CNTNAP2: variants seen among roughly 807,000 people sequenced by gnomAD.
The protein encoded by CNTNAP2 is contactin associated protein 2, also known as contactin-associated protein-like 2.
Under a neutral mutation model 155.2 loss-of-function variants are expected in CNTNAP2, and 98 were observed. The observed-to-expected ratio is 0.63, with a 90% confidence interval of 0.54 to 0.75. The LOEUF (loss-of-function observed/expected upper bound fraction) is 0.75, where lower values mean the gene tolerates loss of function less well. Among genes scored for constraint, CNTNAP2 ranks in the 30% least tolerant of loss-of-function variants. The pLI is 0.00. For synonymous variants in CNTNAP2, 651 were observed against 631.2 expected, an observed-to-expected ratio of 1.03 and a Z score of -0.47; for missense variants, 1,727 against 1,688.1, an observed-to-expected ratio of 1.02 and a Z score of -0.40.
intron 4 of CNTNAP2, 57 bp from the exon 5 acceptor site, chr7:147,108,090 G>A: frequency 6.8e-7 from 1 of 1,468,640 alleles, no homozygotes; most frequent in Non-Finnish European, 9.5e-7. Flanking sequence ...ACACCTGTTG[G>A]AAGTGGATGG....
chr7:148,022,574 G>A (rs1802302555), intron 15 of CNTNAP2, among the ~76,000 whole-genome samples: 1 of 152,160 alleles, frequency 6.6e-6, no homozygotes, highest in African/African-American at 2.4e-5. Flanking sequence ...GGCTATGGGA[G>A]TACCCGGGTT....
chr7:148,148,211 C>T (rs1332821668), intron 17 of CNTNAP2, among the ~76,000 whole-genome samples: 1 of 151,942 alleles, frequency 6.6e-6, no homozygotes, highest in Non-Finnish European at 1.5e-5. Flanking sequence ...TAGACTTTTC[C>T]TGACATAGGA....
At chr7:146,456,274 G>T (rs1796553666) in intron 1 of CNTNAP2, among the ~76,000 whole-genome samples, 1 of 152,112 alleles carries the variant, frequency 6.6e-6, no homozygotes, top group African/African-American at 2.4e-5. Flanking sequence ...AATGTTTTCA[G>T]CAAAGCCAAC....
At chr7:147,147,659 A>G (rs971832950) in intron 8 of CNTNAP2, among the ~76,000 whole-genome samples, 4 of 152,098 alleles carry the variant, frequency 2.6e-5, no homozygotes, top group Non-Finnish European at 4.4e-5. Context: ...CCTCCTCCTC[A>G]TCATGTGTTC....
chr7:147,710,267 C>G (rs1217393608), intron 13 of CNTNAP2, among the ~76,000 whole-genome samples: 1 of 152,108 alleles, frequency 6.6e-6, no homozygotes, highest in East Asian at 1.9e-4. Flanking sequence ...ATTCAACTAT[C>G]CCCATAGCTA....
intron 18 of CNTNAP2, 88 bp downstream of exon 18, chr7:148,172,566 T>A (rs1562983423): frequency 8.4e-7 from 1 of 1,184,946 alleles, no homozygotes; most frequent in East Asian, 2.3e-5. Flanking sequence ...TGTAAACAAG[T>A]GTACCTTATT....
intron 8 of CNTNAP2, among the ~76,000 whole-genome samples, chr7:147,189,566 T>C (rs1461392169): frequency 1.3e-5 from 2 of 152,190 alleles, no homozygotes; most frequent in Non-Finnish European, 2.9e-5. Flanking sequence ...TATAAATAAC[T>C]CTATACACAT....
intron 1 of CNTNAP2, among the ~76,000 whole-genome samples, chr7:146,767,359 A>G (rs555512003): frequency 1.3e-5 from 2 of 152,256 alleles, no homozygotes; most frequent in South Asian, 2.1e-4. Flanking sequence ...AGTAAGTGAA[A>G]AGGTATGTTA....
intron 21 of CNTNAP2, among the ~76,000 whole-genome samples, chr7:148,322,907 G>C (rs1797820308): frequency 6.7e-6 from 1 of 148,638 alleles, no homozygotes; most frequent in South Asian, 2.1e-4. Context: ...ATCCTTCAAA[G>C]CCCAGGTTGA....
intron 1 of CNTNAP2, among the ~76,000 whole-genome samples, chr7:146,544,332 C>T (rs1025695148): frequency 1.3e-5 from 2 of 151,930 alleles, no homozygotes; most frequent in African/African-American, 2.4e-5. Context: ...AGGCATTTTA[C>T]ATTTTCACCC....
At chr7:147,092,044 T>C (rs1800418340) in intron 4 of CNTNAP2, among the ~76,000 whole-genome samples, 1 of 152,138 alleles carries the variant, frequency 6.6e-6, no homozygotes, top group African/African-American at 2.4e-5. Flanking sequence ...TGGCCAACCA[T>C]TGTCATTTTA....
At chr7:147,263,377 T>TG (rs1554460046) in intron 8 of CNTNAP2, among the ~76,000 whole-genome samples, 2 of 148,440 alleles carry the variant, frequency 1.3e-5, no homozygotes, top group African/African-American at 5.0e-5. Context: ...AAATAAAAAT[T>TG]AAAAAAAAAA....
At chr7:146,819,839 C>T (rs1028792333) in intron 2 of CNTNAP2, among the ~76,000 whole-genome samples, 2 of 152,070 alleles carry the variant, frequency 1.3e-5, no homozygotes, top group Admixed American at 6.6e-5. Flanking sequence ...TTGCCATAGT[C>T]GCCAGGAGCT....
intron 13 of CNTNAP2, among the ~76,000 whole-genome samples, chr7:147,898,478 G>C (rs1799808180): frequency 6.6e-6 from 1 of 152,072 alleles, no homozygotes; most frequent in South Asian, 2.1e-4. Context: ...CATCCCAAGA[G>C]GGTGGATGAG....
At chr7:147,942,194 T>C (rs1800735707) in intron 14 of CNTNAP2, among the ~76,000 whole-genome samples, 1 of 152,202 alleles carries the variant, frequency 6.6e-6, no homozygotes, top group African/African-American at 2.4e-5. Flanking sequence ...ATGGCAGCAG[T>C]AATTGATGCA....
intron 13 of CNTNAP2, among the ~76,000 whole-genome samples, chr7:147,641,365 G>A (rs893063986): frequency 6.6e-6 from 1 of 152,180 alleles, no homozygotes. Context: ...AAACTGGGAA[G>A]GAAAGTAAAT....
intron 13 of CNTNAP2, among the ~76,000 whole-genome samples, chr7:147,782,947 T>G (rs959033802): frequency 2.6e-5 from 4 of 152,226 alleles, no homozygotes; most frequent in African/African-American, 9.6e-5. Flanking sequence ...CCATATTATA[T>G]TTTTAAGCAA....
At chr7:147,627,691 CA>C (rs138424007) in intron 12 of CNTNAP2, among the ~76,000 whole-genome samples, 1,172 of 71,712 alleles carry the variant, frequency 0.016, 3 homozygotes, top group East Asian at 0.03. Context: ...GACTCTGTCT[CA>C]AAAAAAAAAA....
chr7:147,532,053 C>T (rs1442517080), intron 11 of CNTNAP2, among the ~76,000 whole-genome samples: 15 of 152,006 alleles, frequency 9.9e-5, no homozygotes, highest in African/African-American at 2.9e-4. Flanking sequence ...GTGATCTGCC[C>T]GCCTCGGCCT....
Sources: gnomAD v4.1 joint callset for allele counts (sites outside exome capture counted in the v4.1 genomes callset) on GRCh38, gnomAD v4.1.1 for gene constraint, MANE v1.5 for transcripts, NCBI Gene and HGNC (gene_info 2026-07-23, HGNC 2026-07-21) for gene names.